The following SLC8A1 variants were observed in gnomAD, a reference collection of about 807,000 sequenced individuals.
The protein encoded by SLC8A1 is solute carrier family 8 member A1.
In SLC8A1, 18 loss-of-function variants were observed where a neutral mutation model predicts 68.3. The ratio of observed to expected loss-of-function variants is 0.26; its 90% CI spans 0.18 to 0.39. SLC8A1 has a LOEUF of 0.39. Ranked by LOEUF, SLC8A1 falls within the 10% of genes least tolerant of loss-of-function variation. The probability of loss-of-function intolerance (pLI) is 1.00; values close to 1 mark genes in which losing one functional copy is unlikely to be tolerated. For synonymous variants in SLC8A1, 475 were observed against 415.5 expected (o/e 1.14, Z -1.74); for missense variants, 985 against 1,156.7 (o/e 0.85, Z 2.15).
intron 2 of SLC8A1, among the ~76,000 whole-genome samples, chr2:40,262,199 G>C (rs2064804744): frequency 1.3e-5 from 2 of 152,176 alleles, no homozygotes; most frequent in African/African-American, 4.8e-5. Flanking sequence ...CTGACCTTGT[G>C]ATCCGCCCAC....
At chr2:40,298,496 T>C (rs2070837126) in intron 2 of SLC8A1, among the ~76,000 whole-genome samples, 1 of 152,180 alleles carries the variant, frequency 6.6e-6, no homozygotes, top group Non-Finnish European at 1.5e-5. Flanking sequence ...GGTAGGAGAA[T>C]GAGGCACACA....
intron 2 of SLC8A1, among the ~76,000 whole-genome samples, chr2:40,339,973 T>C (rs1021864984): frequency 7.9e-5 from 12 of 152,222 alleles, no homozygotes; most frequent in African/African-American, 2.4e-4. Context: ...ACTGCATGAC[T>C]TTTCAGAGCT....
intron 6 of SLC8A1, among the ~76,000 whole-genome samples, chr2:40,145,383 C>T (rs1194879630): frequency 1.3e-5 from 2 of 152,310 alleles, no homozygotes; most frequent in East Asian, 1.9e-4. Flanking sequence ...TGGTTTGCCT[C>T]TAGCTCATCA....
chr2:40,248,306 A>G (rs902412504), intron 2 of SLC8A1, among the ~76,000 whole-genome samples: 1 of 152,192 alleles, frequency 6.6e-6, no homozygotes, highest in Non-Finnish European at 1.5e-5. Flanking sequence ...TCAGAGGTTG[A>G]AATCCTAACT....
chr2:40,271,862 T>C (rs9808402), intron 2 of SLC8A1, among the ~76,000 whole-genome samples: 39,473 of 151,992 alleles, frequency 0.26, 5,507 homozygotes, highest in Admixed American at 0.34. Flanking sequence ...ATTTTTATTA[T>C]TTTATTTATT....
intron 1 of SLC8A1, among the ~76,000 whole-genome samples, chr2:40,503,342 C>G (rs1706163906): frequency 1.3e-5 from 2 of 151,982 alleles, no homozygotes; most frequent in Non-Finnish European, 1.5e-5. Flanking sequence ...TTTTTGCATA[C>G]TCTAAGTTCT....
rs373818789 is a variant in SLC8A1, at chr2:40,170,296, C to T, written c.1930+4529G>A. ...AAATGAGTACCTGCAATGGTGATTA[C>T]AGTAGAGAGAATCGGATGTTCTCTA... is the stretch of plus-strand genomic sequence containing the variant. On this transcript the variant is annotated intron_variant, in intron 4 of 7. Coordinates refer to ENST00000406785, the Ensembl canonical transcript of SLC8A1. 6.8e-6 allele frequency: 11 copies of T among 1,613,844 alleles called. No homozygotes were observed. In the African/African-American group the frequency reaches 1.5e-4, roughly 22 times the overall value.
chr2:40,110,032 T>C (rs2034462774), exon 8 of SLC8A1: 1 of 151,830 alleles, frequency 6.6e-6, no homozygotes, highest in Admixed American at 6.6e-5. Flanking sequence ...TCAGAGAACC[T>C]TTGACAAAAC....
chr2:40,309,539 C>T (rs1332010431), intron 2 of SLC8A1, among the ~76,000 whole-genome samples: 2 of 144,362 alleles, frequency 1.4e-5, no homozygotes, highest in Admixed American at 1.4e-4. Context: ...CGGAGTCTCG[C>T]TCTGTTGCCC....
intron 1 of SLC8A1, among the ~76,000 whole-genome samples, chr2:40,481,571 A>G (rs1434742623): frequency 6.6e-6 from 1 of 152,204 alleles, no homozygotes; most frequent in Non-Finnish European, 1.5e-5. Flanking sequence ...CTCTGTAAGA[A>G]CCATAGTTCG....
chr2:40,428,499 C>A, exon 2 of SLC8A1: 1 of 1,597,946 alleles, frequency 6.3e-7, no homozygotes, highest in Non-Finnish European at 8.5e-7. Context: ...GGAATTCGAG[C>A]TCTCCACAAG....
At chr2:40,460,716 C>T (rs1703292587) in intron 1 of SLC8A1, among the ~76,000 whole-genome samples, 1 of 151,962 alleles carries the variant, frequency 6.6e-6, no homozygotes, top group Admixed American at 6.6e-5. Context: ...GGATTACAGG[C>T]AGGCACCGCC....
At chr2:40,177,924 A>G in intron 2 of SLC8A1, 1 of 998,804 alleles carries the variant, frequency 1.0e-6, no homozygotes, top group Non-Finnish European at 1.6e-6. Context: ...GGTGTCCACC[A>G]AGCTGAATGT....
intron 2 of SLC8A1, among the ~76,000 whole-genome samples, chr2:40,308,728 G>C (rs548247906): frequency 3.9e-4 from 59 of 152,236 alleles, no homozygotes; most frequent in African/African-American, 1.4e-3. Flanking sequence ...TCAGTCCTAT[G>C]GGGGAAAGGG....
intron 2 of SLC8A1, among the ~76,000 whole-genome samples, chr2:40,198,454 T>A (rs907359176): frequency 1.3e-5 from 2 of 151,994 alleles, no homozygotes; most frequent in African/African-American, 4.8e-5. Context: ...TGGTGACATA[T>A]TTAATTAATT....
exon 8 of SLC8A1, chr2:40,101,076 A>T (rs1159104488): frequency 2.0e-5 from 3 of 152,174 alleles, no homozygotes; most frequent in Non-Finnish European, 4.4e-5. Flanking sequence ...GTGTGCACAC[A>T]TACACACATA....
intron 2 of SLC8A1, among the ~76,000 whole-genome samples, chr2:40,377,228 T>C (rs1223637986): frequency 2.0e-5 from 3 of 152,050 alleles, no homozygotes; most frequent in Admixed American, 1.3e-4. Flanking sequence ...CATTCTCCAG[T>C]TGGCTTTGAA....
chr2:40,191,128 A>T (rs2051736486), intron 2 of SLC8A1, among the ~76,000 whole-genome samples: 1 of 152,182 alleles, frequency 6.6e-6, no homozygotes. Context: ...ACAAGTAATT[A>T]AATATAGTAT....
intron 2 of SLC8A1, among the ~76,000 whole-genome samples, chr2:40,316,894 A>C (rs1001780241): frequency 6.6e-6 from 1 of 151,966 alleles, no homozygotes; most frequent in African/African-American, 2.4e-5. Context: ...ATCATCCCTG[A>C]AAGTCCCTCT....
Sources: allele counts gnomAD v4.1 joint callset (sites outside exome capture counted in the v4.1 genomes callset), GRCh38; gene constraint gnomAD v4.1.1; transcripts MANE v1.5; gene names NCBI Gene and HGNC (gene_info 2026-07-23, HGNC 2026-07-21).